The following MYH11 variants were observed in gnomAD, a reference collection of about 807,000 sequenced individuals.
MYH11 encodes the protein myosin heavy chain 11.
A neutral mutation model predicts 246.6 loss-of-function variants in MYH11; 80 were observed. The ratio of observed to expected loss-of-function variants is 0.32; its 90% confidence interval spans 0.27 to 0.39. The LOEUF (loss-of-function observed/expected upper bound fraction) is 0.39. Ranked by LOEUF, MYH11 falls within the 10% of genes least tolerant of loss-of-function variation. The pLI, the probability that MYH11 is intolerant of heterozygous loss-of-function variation, is 1.00. For synonymous variants in MYH11, 1,071 were observed against 1,015.5 expected, an observed-to-expected ratio of 1.05 and a Z score of -1.04; for missense variants, 2,158 against 2,546.8, an observed-to-expected ratio of 0.85 and a Z score of 3.29.
At position 15,741,780 on chromosome 16, in the gene MYH11, G is replaced by A. The variant is rs2041280783; in HGVS notation, c.2632C>T (p.Leu878=). The A allele has an allele frequency of 6.2e-7, 1 of 1,614,170 alleles. No individual in the cohort carries two copies. Among genetic ancestry groups the A allele is most frequent in the South Asian group, 1.1e-5 (1 of 91,082 alleles). The change falls in exon 21 of 41, where the codon CTG becomes TTG. Residue 878 remains leucine, a synonymous_variant. Transcript: ENST00000300036. ...QQKAENELKE[L]EQKHSQLTEE... ...GGTACCTGCGAGTGCTTCTGTTCCAGCTCCTTAAGCTCATTCTCTGCCTTC... is the reference window on the plus strand; with the variant it reads ...GGTACCTGCGAGTGCTTCTGTTCCAACTCCTTAAGCTCATTCTCTGCCTTC...
At chr16:15,829,864 G>C (rs182987058) in intron 2 of MYH11, among the ~76,000 whole-genome samples, 339 of 152,330 alleles carry the variant, frequency 2.2e-3, no homozygotes, top group Non-Finnish European at 3.7e-3. Context: ...GCCGGGCGCA[G>C]TGGCTCACAC....
chr16:15,710,287 C>A (rs2039706705), intron 40 of MYH11, among the ~76,000 whole-genome samples: 1 of 152,096 alleles, frequency 6.6e-6, no homozygotes, highest in Admixed American at 6.6e-5. Flanking sequence ...CTTTGGGAGA[C>A]CGAGGCAGGT....
chr16:15,745,070 C>T (rs923123743), intron 20 of MYH11, 59 bp downstream of exon 20: 4 of 1,308,960 alleles, frequency 3.1e-6, no homozygotes. Context: ...TGTGAAGGCT[C>T]CAGAGTGAAG....
intron 5 of MYH11, 139 bp from the exon 6 acceptor site, chr16:15,782,616 C>T (rs906147904): frequency 7.4e-6 from 5 of 675,828 alleles, no homozygotes; most frequent in African/African-American, 5.4e-5. Flanking sequence ...GACCCTGATG[C>T]TAATGTTCAG....
intron 9 of MYH11, among the ~76,000 whole-genome samples, chr16:15,766,627 C>T (rs2041989779): frequency 6.6e-6 from 1 of 152,162 alleles, no homozygotes. Flanking sequence ...GTGCCTTGGC[C>T]TCCCATAGGG....
At chr16:15,851,465 AC>A (rs998696336) in intron 1 of MYH11, among the ~76,000 whole-genome samples, 4 of 152,072 alleles carry the variant, frequency 2.6e-5, no homozygotes, top group Non-Finnish European at 5.9e-5. Flanking sequence ...TAAATGCAAG[AC>A]CCCCACTTGT....
Position 15,759,614 on chromosome 16 carries a change from G to A in MYH11, c.1363C>T (p.Leu455=). The A allele has an allele frequency of 6.2e-7, 1 of 1,614,192 alleles. No individual in the cohort carries two copies. The highest frequency in any genetic ancestry group is 8.5e-7 in the Non-Finnish European group (1 of 1,180,038). The change falls in exon 12 of 41, where the codon CTG becomes TTG. Residue 455 remains leucine, a synonymous_variant. Transcript: ENST00000300036. ...DKTHRQGASF[L]GILDIAGFEI... is the part of the protein sequence containing the mutation. ...AATCCAGCTATATCCAGGATCCCCA[G>A]GAAGGAAGCCCCTTGCCGATGGGTC...
intron 40 of MYH11, among the ~76,000 whole-genome samples, chr16:15,705,963 C>G (rs1275053321): frequency 8.8e-6 from 1 of 113,418 alleles, no homozygotes; most frequent in Non-Finnish European, 1.7e-5. Context: ...CCAGCCTAGG[C>G]GACAGGGTGA....
intron 4 of MYH11, among the ~76,000 whole-genome samples, chr16:15,793,780 C>T (rs1258630894): frequency 6.1e-5 from 9 of 148,538 alleles, no homozygotes; most frequent in African/African-American, 9.9e-5. Context: ...CCACCATGCC[C>T]GGCTAATTTT....
At chr16:15,801,118 A>G (rs565984075) in intron 3 of MYH11, among the ~76,000 whole-genome samples, 3 of 152,220 alleles carry the variant, frequency 2.0e-5, no homozygotes, top group Admixed American at 2.0e-4. Flanking sequence ...AGGCAGGAAA[A>G]TTGCTTGAAC....
chr16:15,735,982 G>A (rs1382264925), intron 25 of MYH11, among the ~76,000 whole-genome samples: 2 of 152,180 alleles, frequency 1.3e-5, no homozygotes, highest in Non-Finnish European at 2.9e-5. Context: ...CTGAGTACCC[G>A]CCCCATGCAC....
At chr16:15,756,962 C>A (rs1443305744) in intron 13 of MYH11, among the ~76,000 whole-genome samples, 2 of 151,550 alleles carry the variant, frequency 1.3e-5, no homozygotes, top group Non-Finnish European at 2.9e-5. Context: ...CGGCGCCCGG[C>A]TGATTTTTTC....
chr16:15,742,504 G>A (rs1332896136), intron 20 of MYH11, among the ~76,000 whole-genome samples: 2 of 152,110 alleles, frequency 1.3e-5, no homozygotes, highest in Non-Finnish European at 2.9e-5. Flanking sequence ...CATTTTGGGA[G>A]GCCGAGGCAA....
At chr16:15,826,594 G>GAAAAAGAAAAA (rs60312771) in intron 2 of MYH11, among the ~76,000 whole-genome samples, 45,552 of 147,822 alleles carry the variant, frequency 0.31, 8,064 homozygotes, top group African/African-American at 0.51. Flanking sequence ...TCTCAAAAAA[G>GAAAAAGAAAAA]AAAAAGAAAG....
At chr16:15,811,212 C>A (rs1052580932) in intron 3 of MYH11, among the ~76,000 whole-genome samples, 1 of 152,144 alleles carries the variant, frequency 6.6e-6, no homozygotes, top group African/African-American at 2.4e-5. Flanking sequence ...CCTCCAGAAC[C>A]ACGAGAAACA....
At position 15,717,258 on chromosome 16, in the gene MYH11, C is replaced by G. The variant is rs2040207437; in HGVS notation, c.5386G>C (p.Glu1796Gln). Residue 1796 changes from glutamate to glutamine, a missense_variant, in exon 38 of 41, where the codon GAG becomes CAG. Around this residue, in one of 11 missense-constraint regions of MYH11, gnomAD observed 1,013 missense variants for 993.5 expected, o/e 1.02. Transcript: ENST00000300036. ...ARQQLERQNK[E>Q]LRSKLHEMEG... ...ATCTCGTGGAGCTTGCTCCGGAGCT[C>G]CTTGTTCTGCCGCTCGAGCTGCTGC... is the stretch of plus-strand genomic sequence containing the variant. 7 of 1,614,120 alleles carry G rather than the reference C, an allele frequency of 4.3e-6. No individual in the cohort carries two copies. Among genetic ancestry groups the G allele is most frequent in the Non-Finnish European group, 5.9e-6 (7 of 1,180,036 alleles).
intron 4 of MYH11, among the ~76,000 whole-genome samples, chr16:15,794,467 T>G (rs1170008188): frequency 6.6e-6 from 1 of 152,244 alleles, no homozygotes; most frequent in Non-Finnish European, 1.5e-5. Context: ...TCTGATCGTT[T>G]TGGGATTTCC....
chr16:15,727,592 C>A (rs2040832694), intron 27 of MYH11, among the ~76,000 whole-genome samples: 1 of 152,162 alleles, frequency 6.6e-6, no homozygotes, highest in Non-Finnish European at 1.5e-5. Flanking sequence ...CCCTTTGACC[C>A]TTTCACTACT....
chr16:15,779,265 A>G, intron 6 of MYH11: 1 of 323,838 alleles, frequency 3.1e-6, no homozygotes, highest in South Asian at 2.8e-5. Context: ...CACCCTCCCA[A>G]GCAGCTAGGA....
Sources: allele counts gnomAD v4.1 joint callset (sites outside exome capture counted in the v4.1 genomes callset), GRCh38; gene constraint gnomAD v4.1.1; regional missense constraint gnomAD v4.1.1; transcripts MANE v1.5; gene names NCBI Gene and HGNC (gene_info 2026-07-23, HGNC 2026-07-21).